CRPPA: variants seen among roughly 807,000 people sequenced by gnomAD.
CRPPA encodes D-ribitol-5-phosphate cytidylyltransferase.
Under a neutral mutation model 52.0 loss-of-function variants are expected in CRPPA, and 43 were observed. The ratio of observed to expected loss-of-function variants is 0.83; its 90% CI spans 0.65 to 1.07. The LOEUF is 1.07. CRPPA is among the 50% of genes least tolerant of loss of function. The probability of loss-of-function intolerance (pLI) is 0.00; values close to 1 mark genes in which losing one functional copy is unlikely to be tolerated. For missense variants in CRPPA, 629 were observed against 551.7 expected, an observed-to-expected ratio of 1.14 and a Z score of -1.40; for synonymous variants, 250 against 203.5, an observed-to-expected ratio of 1.23 and a Z score of -1.94.
chr7:16,285,670 A>G (rs1490272143), intron 5 of CRPPA, among the ~76,000 whole-genome samples: 1 of 152,106 alleles, frequency 6.6e-6, no homozygotes, highest in African/African-American at 2.4e-5. Flanking sequence ...TTTTCTGTTA[A>G]TACCTCAGTC....
rs1455738626 is a variant in CRPPA, at chr7:16,406,285, C to T, written c.310G>A (p.Val104Ile). Residue 104 changes from valine to isoleucine, a missense_variant, in exon 2 of 10, where the codon GTA (valine) becomes ATA (isoleucine). Val to Ile is a conservative substitution (Grantham distance 29). Coordinates refer to ENST00000407010, the MANE Select transcript of CRPPA (RefSeq NM_001101426.4). ...TACTTCTGAATAATACTTTTCATTA[C>T]TTCCATGTTCTCTCCAGTTACTGCC... ...VVAVTGENMEVMKSIIQKYQH... is the reference protein window; with the variant it reads ...VVAVTGENMEIMKSIIQKYQH... 1 of 1,613,836 alleles carries T rather than the reference C, an allele frequency of 6.2e-7. No individual in the cohort carries two copies. The highest frequency in any genetic ancestry group is 8.5e-7 in the Non-Finnish European group (1 of 1,179,756).
chr7:16,180,673 A>G (rs1346627737), intron 9 of CRPPA, among the ~76,000 whole-genome samples: 2 of 152,118 alleles, frequency 1.3e-5, no homozygotes, highest in Non-Finnish European at 2.9e-5. Flanking sequence ...GTGAAATGCC[A>G]ATTCTCCAAT....
At position 16,217,100 on chromosome 7, in the gene CRPPA, G is replaced by T. The variant is rs1447166110; in HGVS notation, c.1120-903C>A. 1.1e-3 allele frequency among the ~76,000 whole-genome samples: 170 copies of T among 149,340 alleles called. 1 individual carries two copies. The highest frequency in any genetic ancestry group is 1.6e-3 in the Non-Finnish European group (110 of 67,134). On this transcript the variant is annotated intron_variant, in intron 8 of 9. Coordinates refer to ENST00000407010, the MANE Select transcript of CRPPA (RefSeq NM_001101426.4). ...AGCACGCAGCTGGAGATCTGAGAACGGGCAGACTGCCTCCTCAAGTGGGTC... is the reference window on the plus strand; with the variant it reads ...AGCACGCAGCTGGAGATCTGAGAACTGGCAGACTGCCTCCTCAAGTGGGTC...
At chr7:16,396,719 G>C (rs1200138352) in intron 2 of CRPPA, among the ~76,000 whole-genome samples, 1 of 152,246 alleles carries the variant, frequency 6.6e-6, no homozygotes, top group African/African-American at 2.4e-5. Context: ...TGTGATGTAT[G>C]TGTGATGGAA....
chr7:16,405,976 T>G, intron 2 of CRPPA, 85 bp downstream of exon 2: 1 of 1,247,724 alleles, frequency 8.0e-7, no homozygotes, highest in Non-Finnish European at 1.1e-6. Context: ...AATTTGACAT[T>G]TAAACAGAAT....
chr7:16,339,379 G>T (rs1387823073), intron 3 of CRPPA, among the ~76,000 whole-genome samples: 1 of 152,054 alleles, frequency 6.6e-6, no homozygotes, highest in Non-Finnish European at 1.5e-5. Flanking sequence ...GGTGTTTAAG[G>T]CTCATTTAAC....
intron 9 of CRPPA, among the ~76,000 whole-genome samples, chr7:16,167,807 C>T (rs551520291): frequency 5.9e-4 from 90 of 152,294 alleles, no homozygotes; most frequent in South Asian, 2.3e-3. Context: ...CTAGTTAATC[C>T]CTATCAATCT....
chr7:16,171,742 G>A (rs1037608158), intron 9 of CRPPA, among the ~76,000 whole-genome samples: 63 of 152,130 alleles, frequency 4.1e-4, no homozygotes, highest in African/African-American at 1.3e-3. Flanking sequence ...GCAGTGAGCC[G>A]AGACTGTGCC....
chr7:16,338,612 A>C (rs1785745658), intron 3 of CRPPA, among the ~76,000 whole-genome samples: 1 of 152,172 alleles, frequency 6.6e-6, no homozygotes, highest in Admixed American at 6.5e-5. Context: ...CATCAAGATG[A>C]TAAAGGAGAA....
chr7:16,187,329 G>C (rs548952903), intron 9 of CRPPA, among the ~76,000 whole-genome samples: 2 of 152,060 alleles, frequency 1.3e-5, no homozygotes, highest in African/African-American at 4.8e-5. Flanking sequence ...GGGATTTTCT[G>C]TTCCTAAAAC....
chr7:16,414,761 G>C (rs1233060044), intron 1 of CRPPA, among the ~76,000 whole-genome samples: 3 of 152,154 alleles, frequency 2.0e-5, no homozygotes, highest in African/African-American at 7.2e-5. Flanking sequence ...TGGTTAAAAA[G>C]CCAAAACAAC....
chr7:16,364,792 T>A (rs980701104), intron 3 of CRPPA, among the ~76,000 whole-genome samples: 23 of 152,172 alleles, frequency 1.5e-4, no homozygotes, highest in Non-Finnish European at 2.9e-5. Context: ...GTAAATTTTG[T>A]CATGGCTTGA....
intron 8 of CRPPA, among the ~76,000 whole-genome samples, chr7:16,230,118 A>G (rs555652496): frequency 6.6e-6 from 1 of 152,132 alleles, no homozygotes; most frequent in East Asian, 1.9e-4. Context: ...TTGGAGAGTC[A>G]CCTTATTTGG....
intron 5 of CRPPA, among the ~76,000 whole-genome samples, chr7:16,293,841 G>A (rs1784613487): frequency 1.3e-5 from 2 of 151,886 alleles, no homozygotes; most frequent in Admixed American, 1.3e-4. Flanking sequence ...TCCTACCTTA[G>A]AACTAAAAGT....
At chr7:16,386,358 G>A (rs2087941617) in intron 2 of CRPPA, among the ~76,000 whole-genome samples, 1 of 152,268 alleles carries the variant, frequency 6.6e-6, no homozygotes, top group African/African-American at 2.4e-5. Flanking sequence ...GGCTTATGTA[G>A]GTACAGGATA....
chr7:16,270,026 C>T (rs1318170723), intron 6 of CRPPA: 1 of 152,164 alleles, frequency 6.6e-6, no homozygotes, highest in East Asian at 1.9e-4. Context: ...CTATAATCTA[C>T]ATACAAAAAC....
chr7:16,162,478 T>G (rs1249508464), intron 9 of CRPPA, among the ~76,000 whole-genome samples: 1 of 152,172 alleles, frequency 6.6e-6, no homozygotes, highest in East Asian at 1.9e-4. Flanking sequence ...TCCACGTAGT[T>G]GTGTGGTTTT....
chr7:16,183,644 T>C (rs1781452504), intron 9 of CRPPA, among the ~76,000 whole-genome samples: 1 of 152,126 alleles, frequency 6.6e-6, no homozygotes, highest in African/African-American at 2.4e-5. Flanking sequence ...TTCACAGGCA[T>C]AGGGCTCTAA....
At chr7:16,256,217 C>T (rs1583470807) in intron 8 of CRPPA, among the ~76,000 whole-genome samples, 1 of 152,044 alleles carries the variant, frequency 6.6e-6, no homozygotes, top group African/African-American at 2.4e-5. Flanking sequence ...AAATGCATAT[C>T]AAAACCACAA....
Sources: gnomAD v4.1 joint callset for allele counts (sites outside exome capture counted in the v4.1 genomes callset) on GRCh38, gnomAD v4.1.1 for gene constraint, MANE v1.5 for transcripts, NCBI Gene and HGNC (gene_info 2026-07-23, HGNC 2026-07-21) for gene names.